Variants in ERC2 observed in about 807,000 individuals in gnomAD.
The protein encoded by ERC2 is ERC protein 2.
Under a neutral mutation model 114.8 loss-of-function variants are expected in ERC2, and 42 were observed. The observed-to-expected ratio is 0.37, with a 90% CI of 0.29 to 0.47. ERC2 has a LOEUF of 0.47. Ranked by LOEUF, ERC2 falls within the 20% of genes least tolerant of loss-of-function variation. The pLI, the probability that ERC2 is intolerant of heterozygous loss-of-function variation, is 0.99. For missense variants in ERC2, 939 were observed against 1,150.7 expected (o/e 0.82, Z 2.66); for synonymous variants, 454 against 425.5 (o/e 1.07, Z -0.82).
intron 17 of ERC2, among the ~76,000 whole-genome samples, chr3:55,543,796 T>A (rs1282848547): frequency 6.6e-6 from 1 of 152,086 alleles, no homozygotes; most frequent in Admixed American, 6.5e-5. Flanking sequence ...ACGTCCCTCT[T>A]CTCTGGTTCC....
At chr3:55,572,741 C>T (rs182221732) in intron 17 of ERC2, among the ~76,000 whole-genome samples, 18 of 152,232 alleles carry the variant, frequency 1.2e-4, no homozygotes, top group African/African-American at 4.3e-4. Context: ...CCCTGGAGGG[C>T]CTCCCTCCAA....
At chr3:55,974,742 G>T (rs909752107) in intron 12 of ERC2, among the ~76,000 whole-genome samples, 11 of 152,084 alleles carry the variant, frequency 7.2e-5, no homozygotes, top group Non-Finnish European at 1.5e-4. Flanking sequence ...CACTCACCAG[G>T]CCCACTCAAA....
intron 3 of ERC2, among the ~76,000 whole-genome samples, chr3:56,241,654 T>C (rs1334617357): frequency 6.6e-6 from 1 of 152,196 alleles, no homozygotes; most frequent in East Asian, 1.9e-4. Context: ...CATATGATCA[T>C]AGAAACAGAT....
intron 17 of ERC2, among the ~76,000 whole-genome samples, chr3:55,619,940 A>G (rs913107505): frequency 1.3e-5 from 2 of 152,204 alleles, no homozygotes; most frequent in East Asian, 1.9e-4. Flanking sequence ...AGGGGTTTCA[A>G]TCAAGGGTTC....
At chr3:56,272,945 G>A (rs1305970178) in intron 3 of ERC2, among the ~76,000 whole-genome samples, 2 of 152,278 alleles carry the variant, frequency 1.3e-5, no homozygotes, top group East Asian at 1.9e-4. Context: ...GTAGTCTCAC[G>A]TATAAAAGGG....
chr3:56,159,637 T>C (rs1414826096), intron 4 of ERC2, among the ~76,000 whole-genome samples: 2 of 152,188 alleles, frequency 1.3e-5, no homozygotes, highest in Non-Finnish European at 2.9e-5. Flanking sequence ...ACTCAATAGT[T>C]ATTCAACCTT....
intron 17 of ERC2, among the ~76,000 whole-genome samples, chr3:55,518,673 G>A (rs906200852): frequency 6.6e-6 from 1 of 152,134 alleles, no homozygotes; most frequent in African/African-American, 2.4e-5. Context: ...TTCATTTAAG[G>A]CAATGAAGTA....
At chr3:56,149,242 C>G (rs1405274416) in intron 4 of ERC2, 110 bp from the exon 5 acceptor site, 4 of 1,032,036 alleles carry the variant, frequency 3.9e-6, no homozygotes, top group African/African-American at 3.2e-5. Flanking sequence ...ACATATTAAC[C>G]ATGGTATAGA....
intron 17 of ERC2, chr3:55,612,942 G>T: frequency 6.6e-6 from 1 of 152,118 alleles, no homozygotes; most frequent in East Asian, 1.9e-4. Flanking sequence ...TCCCTTCCAA[G>T]AACTCTACTA....
At chr3:56,118,636 C>CT (rs66888697) in intron 6 of ERC2, among the ~76,000 whole-genome samples, 23,696 of 127,852 alleles carry the variant, frequency 0.19, 2,734 homozygotes, top group Admixed American at 0.28. Context: ...TATTCCTTTT[C>CT]TTTTTTTTTT....
At chr3:56,039,266 A>G (rs990538558) in intron 7 of ERC2, among the ~76,000 whole-genome samples, 2 of 152,214 alleles carry the variant, frequency 1.3e-5, no homozygotes, top group African/African-American at 4.8e-5. Context: ...ACTCCAGTAA[A>G]AAAGTGTTCA....
intron 14 of ERC2, among the ~76,000 whole-genome samples, chr3:55,845,061 C>G (rs1357638656): frequency 1.3e-5 from 2 of 152,184 alleles, no homozygotes; most frequent in Admixed American, 1.3e-4. Flanking sequence ...CTATGAGAAT[C>G]TAATGCCACC....
At chr3:55,852,999 C>A (rs542252946) in intron 14 of ERC2, among the ~76,000 whole-genome samples, 3 of 152,156 alleles carry the variant, frequency 2.0e-5, no homozygotes, top group Admixed American at 2.0e-4. Context: ...CAGTAGCATA[C>A]CTTCTGGTTC....
At chr3:55,887,868 T>C (rs1449949528) in intron 14 of ERC2, among the ~76,000 whole-genome samples, 1 of 152,240 alleles carries the variant, frequency 6.6e-6, no homozygotes, top group East Asian at 1.9e-4. Flanking sequence ...ATTTCTAACC[T>C]ATTTTTATAA....
In ERC2 at chr3:56,076,661, T is replaced by C. The variant is rs907297098; in HGVS notation, c.1641+4156A>G. 6.6e-5 allele frequency among the ~76,000 whole-genome samples: 10 copies of C among 152,170 alleles called. 1 individual carries two copies. ...TGGAATTACAGAGTACAGCCAAAAG[T>C]ATGTTAGTAGGGCCAAAAATCCACT... On this transcript the variant is annotated intron_variant, in intron 7 of 17. Coordinates refer to ENST00000288221, the MANE Select transcript of ERC2 (RefSeq NM_015576.3).
At chr3:55,622,119 C>T (rs1013103293) in intron 17 of ERC2, among the ~76,000 whole-genome samples, 1 of 152,224 alleles carries the variant, frequency 6.6e-6, no homozygotes, top group African/African-American at 2.4e-5. Flanking sequence ...CCCAGACTAA[C>T]TTGACAGACA....
chr3:56,375,987 T>C (rs11718333), intron 2 of ERC2, among the ~76,000 whole-genome samples: 48,395 of 151,922 alleles, frequency 0.32, 7,836 homozygotes, highest in Non-Finnish European at 0.33. Flanking sequence ...CTCAGTCCAA[T>C]AGCCCACAAG....
chr3:56,060,470 A>G (rs1188990084), intron 7 of ERC2, among the ~76,000 whole-genome samples: 1 of 152,202 alleles, frequency 6.6e-6, no homozygotes, highest in Non-Finnish European at 1.5e-5. Context: ...GTAAGTATTT[A>G]ATGAATTGTA....
intron 3 of ERC2, among the ~76,000 whole-genome samples, chr3:56,287,074 C>T (rs537591533): frequency 6.6e-6 from 1 of 152,208 alleles, no homozygotes; most frequent in African/African-American, 2.4e-5. Context: ...ACATGCCTAA[C>T]TGGAAACCCA....
Sources: gnomAD v4.1 joint callset for allele counts (sites outside exome capture counted in the v4.1 genomes callset) on GRCh38, gnomAD v4.1.1 for gene constraint, MANE v1.5 for transcripts, NCBI Gene and HGNC (gene_info 2026-07-23, HGNC 2026-07-21) for gene names.